TPCN1: variants seen among roughly 807,000 people sequenced by gnomAD.
The protein encoded by TPCN1 is two pore segment channel 1.
Under a neutral mutation model 108.8 loss-of-function variants are expected in TPCN1, and 52 were observed. That is an observed-to-expected ratio of 0.48 (90% CI 0.38 to 0.60). The LOEUF is 0.60. Among genes scored for constraint, TPCN1 ranks in the 20% least tolerant of loss-of-function variants. TPCN1 has a pLI of 0.00. For missense variants in TPCN1, 806 were observed against 1,072.8 expected (o/e 0.75, Z 3.47); for synonymous variants, 446 against 433.7 (o/e 1.03, Z -0.35).
At chr12:113,226,625 C>T (rs867361443) in intron 1 of TPCN1, 103 bp from the exon 2 acceptor site, 9 of 974,724 alleles carry the variant, frequency 9.2e-6, no homozygotes, top group East Asian at 2.6e-5. Context: ...TTTTTATTCA[C>T]GAGGTTGTGC....
intron 2 of TPCN1, among the ~76,000 whole-genome samples, chr12:113,258,308 A>T (rs1241749353): frequency 1.3e-5 from 2 of 152,144 alleles, no homozygotes; most frequent in African/African-American, 4.8e-5. Flanking sequence ...TCTACTAAAA[A>T]TACAAAAATT....
At chr12:113,256,939 T>C (rs1954849825) in intron 2 of TPCN1, among the ~76,000 whole-genome samples, 1 of 152,128 alleles carries the variant, frequency 6.6e-6, no homozygotes, top group South Asian at 2.1e-4. Flanking sequence ...AAGGCACTGT[T>C]AGAAAAGAAT....
intron 18 of TPCN1, 79 bp from the exon 19 acceptor site, chr12:113,286,908 G>A: frequency 1.0e-6 from 1 of 999,174 alleles, no homozygotes; most frequent in Non-Finnish European, 1.6e-6. Context: ...GAGGGTGGCT[G>A]TGCACAGGGC....
intron 1 of TPCN1, among the ~76,000 whole-genome samples, chr12:113,221,843 G>A (rs1042735464): frequency 5.9e-5 from 9 of 152,186 alleles, no homozygotes; most frequent in Non-Finnish European, 1.2e-4. Context: ...TTCTTAGGGC[G>A]ACCCTCACGT....
intron 18 of TPCN1, among the ~76,000 whole-genome samples, chr12:113,286,632 G>A (rs906874127): frequency 1.3e-5 from 2 of 152,228 alleles, no homozygotes; most frequent in African/African-American, 4.8e-5. Flanking sequence ...CCAGATGTCT[G>A]TTGAGCGGAA....
intron 3 of TPCN1, among the ~76,000 whole-genome samples, chr12:113,260,764 C>T (rs1026066066): frequency 6.6e-6 from 1 of 152,244 alleles, no homozygotes; most frequent in African/African-American, 2.4e-5. Flanking sequence ...CTGCCACCCT[C>T]CCTCTTCTCA....
chr12:113,224,440 A>G (rs1178637507), intron 1 of TPCN1, among the ~76,000 whole-genome samples: 2 of 152,240 alleles, frequency 1.3e-5, no homozygotes, highest in African/African-American at 4.8e-5. Context: ...TCTGTCGCCC[A>G]GGCTGGAGTG....
intron 13 of TPCN1, 96 bp from the exon 14 acceptor site, chr12:113,278,676 G>A (rs1955757317): frequency 8.4e-6 from 8 of 955,914 alleles, no homozygotes; most frequent in African/African-American, 3.2e-5. Context: ...CCCCAGTTTA[G>A]CAGGGTGAAC....
At chr12:113,258,545 G>A (rs966899384) in intron 2 of TPCN1, among the ~76,000 whole-genome samples, 1 of 152,136 alleles carries the variant, frequency 6.6e-6, no homozygotes, top group Non-Finnish European at 1.5e-5. Context: ...ACTTTGGGAG[G>A]CCAAGGCAGA....
rs117288950 is a variant in TPCN1, at chr12:113,283,993, T to C, written c.1343-588T>C. Among the ~76,000 whole-genome samples, 43 of 152,320 alleles carry C rather than the reference T, an allele frequency of 2.8e-4. 2 individuals are homozygous for C. The East Asian group carries it at 7.5e-3, about 27-fold the overall frequency. Reference sequence around the variant, plus strand: ...CTAGCCTGTGTTTCTTTTTTATGGTTAAAGTATGCCAGTTTATGAATGTAT... The same window carrying C: ...CTAGCCTGTGTTTCTTTTTTATGGTCAAAGTATGCCAGTTTATGAATGTAT... On this transcript the variant is annotated intron_variant, in intron 15 of 27. Coordinates refer to ENST00000335509, the MANE Select transcript of TPCN1 (RefSeq NM_017901.6).
At chr12:113,271,518 C>A (rs7133428) in intron 7 of TPCN1, among the ~76,000 whole-genome samples, 4,954 of 152,242 alleles carry the variant, frequency 0.033, 228 homozygotes, top group East Asian at 0.15. Context: ...TTAAAAAAGT[C>A]TCTAAGTGGT....
chr12:113,286,116 C>G (rs1346168387), intron 18 of TPCN1, among the ~76,000 whole-genome samples, 155 bp downstream of exon 18: 1 of 152,212 alleles, frequency 6.6e-6, no homozygotes, highest in Non-Finnish European at 1.5e-5. Context: ...CAGCCCTGCC[C>G]ACAGCCCAGG....
intron 22 of TPCN1, 120 bp from the exon 23 acceptor site, chr12:113,290,832 G>A (rs1353272022): frequency 2.2e-6 from 2 of 926,484 alleles, no homozygotes; most frequent in Non-Finnish European, 3.5e-6. Flanking sequence ...AACCCAAGCG[G>A]TCATATGGTG....
chr12:113,226,493 G>C (rs946763283), intron 1 of TPCN1, among the ~76,000 whole-genome samples: 1 of 152,004 alleles, frequency 6.6e-6, no homozygotes, highest in Non-Finnish European at 1.5e-5. Flanking sequence ...TGTTGGCCAG[G>C]CTGGTCTTGA....
At position 113,269,887 on chromosome 12, in the gene TPCN1, A is replaced by G. The variant is rs1381981236; in HGVS notation, c.748+42A>G. 2.5e-6 allele frequency: 4 copies of G among 1,598,524 alleles called. No individual in the cohort carries two copies. Among genetic ancestry groups the G allele is most frequent in the Middle Eastern group, 1.7e-4 (1 of 6,048 alleles). On this transcript the variant is annotated intron_variant, in intron 7 of 27. Transcript: ENST00000335509. This position sits in a 1 kb window ranked among gnomAD's most constrained non-coding sequence, Gnocchi z 5.0. ...CAGGCCCAGGTGCGCTGGAAAAGCA[A>G]GTTCACGGTGGATGAAAAATTATTT... is the stretch of plus-strand genomic sequence containing the variant.
Position 113,268,655 on chromosome 12 carries a change from C to A in TPCN1, c.529-87C>A. On this transcript the variant is annotated intron_variant, in intron 5 of 27. Coordinates refer to ENST00000335509, the MANE Select transcript of TPCN1 (RefSeq NM_017901.6). This position sits in a 1 kb window ranked among gnomAD's most constrained non-coding sequence, Gnocchi z 7.3. ...GAAGGCCTCCCGAGGCCAGAGTGGGCACTGCCTCTCCAGCCCCCCGTTCCA... is the reference window on the plus strand; with the variant it reads ...GAAGGCCTCCCGAGGCCAGAGTGGGAACTGCCTCTCCAGCCCCCCGTTCCA... 1 of 1,535,084 alleles carries A rather than the reference C, an allele frequency of 6.5e-7. No homozygotes were observed. Among genetic ancestry groups the A allele is most frequent in the Non-Finnish European group, 8.8e-7 (1 of 1,130,068 alleles).
At chr12:113,258,815 A>T (rs140419490) in intron 2 of TPCN1, among the ~76,000 whole-genome samples, 14 of 152,202 alleles carry the variant, frequency 9.2e-5, no homozygotes, top group African/African-American at 3.1e-4. Flanking sequence ...AGTAAGTTGC[A>T]TGTGGCTGGA....
Position 113,266,405 on chromosome 12 carries a change from G to T in TPCN1, c.414+49G>T. The T allele has an allele frequency of 6.3e-7, 1 of 1,589,992 alleles. No homozygotes were observed. On this transcript the variant is annotated intron_variant, in intron 4 of 27. Transcript: ENST00000335509. This position sits in a 1 kb window ranked among gnomAD's most constrained non-coding sequence, Gnocchi z 4.2. ...GGGGGGCTGGGAGCCACGGCTTTCA[G>T]GGCAAGCGATGGAACTCCAAAAAGG...
intron 14 of TPCN1, 111 bp downstream of exon 14, chr12:113,278,946 GTT>G: frequency 1.1e-6 from 1 of 927,734 alleles, no homozygotes; most frequent in Non-Finnish European, 1.7e-6. Flanking sequence ...GTGTGTGTGT[GTT>G]TGTCTGAATG....
Sources: gnomAD v4.1 joint callset for allele counts (sites outside exome capture counted in the v4.1 genomes callset) on GRCh38, gnomAD v4.1.1 for gene constraint, Gnocchi (gnomAD v3.1) non-coding constraint, MANE v1.5 for transcripts, NCBI Gene and HGNC (gene_info 2026-07-23, HGNC 2026-07-21) for gene names.